The following CNST variants were observed in gnomAD, a reference collection of about 807,000 sequenced individuals.
CNST encodes consortin.
A neutral mutation model predicts 72.4 loss-of-function variants in CNST; 39 were observed. The ratio of observed to expected loss-of-function variants is 0.54; its 90% CI spans 0.42 to 0.70. The LOEUF is 0.70. CNST is among the 30% of genes least tolerant of loss of function. CNST has a pLI of 0.00. For missense variants in CNST, 871 were observed against 868.5 expected (o/e 1.00, Z -0.04); for synonymous variants, 332 against 320.1 (o/e 1.04, Z -0.40).
In CNST at chr1:246,584,665, A is replaced by G. The variant is rs187514536; in HGVS notation, c.-51-6847A>G. 1.5e-4 allele frequency among the ~76,000 whole-genome samples: 23 copies of G among 152,154 alleles called. No individual in the cohort carries two copies. The East Asian group carries it at 4.3e-3, about 28-fold the overall frequency. On this transcript the variant is annotated intron_variant, in intron 1 of 10. Coordinates refer to ENST00000366513, the MANE Select transcript of CNST (RefSeq NM_152609.3). ...GAATGGAGACGGAGTGTGTAGTGGAACTCATCTCAGTAGACCGTCCCGGCA... is the reference window on the plus strand; with the variant it reads ...GAATGGAGACGGAGTGTGTAGTGGAGCTCATCTCAGTAGACCGTCCCGGCA...
chr1:246,665,262 G>C (rs1269518187), intron 10 of CNST, among the ~76,000 whole-genome samples: 1 of 152,188 alleles, frequency 6.6e-6, no homozygotes, highest in Non-Finnish European at 1.5e-5. Context: ...AGTCCTAGCT[G>C]CTCAGGAGGC....
chr1:246,610,591 A>C (rs903780357), intron 2 of CNST, among the ~76,000 whole-genome samples: 5 of 152,132 alleles, frequency 3.3e-5, no homozygotes, highest in Admixed American at 6.5e-5. Flanking sequence ...AACTCTGGAA[A>C]TTAGGGTCTC....
At chr1:246,638,745 A>T (rs993814505) in intron 6 of CNST, among the ~76,000 whole-genome samples, 1 of 152,142 alleles carries the variant, frequency 6.6e-6, no homozygotes, top group African/African-American at 2.4e-5. Context: ...TAAATGAGGC[A>T]TCTGGAAGGG....
At chr1:246,568,899 A>G (rs1049960034) in intron 1 of CNST, among the ~76,000 whole-genome samples, 3 of 152,010 alleles carry the variant, frequency 2.0e-5, no homozygotes, top group African/African-American at 7.3e-5. Context: ...TTACATTTAA[A>G]TATATTTATT....
rs1553384186 is a variant in CNST at position 246,645,424 on chromosome 1, C to CTTTTTTTTTTTTTTTTTTTTTTTTTTT, written c.938-1694_938-1693insTTTTTTTTTTTTTTTTTTTTTTTTTTT. On this transcript the variant is annotated intron_variant, in intron 8 of 10. Transcript: ENST00000366513. ...ACATATTAGTATAAAAAGGTTAAAA[C>CTTTTTTTTTTTTTTTTTTTTTTTTTTT]TTTTTTTTTTTTTTTTTTTTTGAGA... Among the ~76,000 whole-genome samples, 2 of 106,106 alleles carry CTTTTTTTTTTTTTTTTTTTTTTTTTTT rather than the reference C, an allele frequency of 1.9e-5. 1 individual carries two copies. The allele number at this position is 106,106 out of a possible 152,430, so 69.6% of individuals were successfully genotyped here.
intron 9 of CNST, among the ~76,000 whole-genome samples, chr1:246,653,296 G>A (rs1666589465): frequency 6.6e-6 from 1 of 152,218 alleles, no homozygotes; most frequent in South Asian, 2.1e-4. Flanking sequence ...TGGGATCAGG[G>A]AAGTTACTTT....
chr1:246,647,843 T>C lies in CNST; in HGVS notation c.1642T>C (p.Leu548=), dbSNP rs1318360352. The C allele has an allele frequency of 4.3e-6, 7 of 1,614,054 alleles. No individual in the cohort carries two copies. Among genetic ancestry groups the C allele is most frequent in the South Asian group, 1.1e-5 (1 of 91,086 alleles). ...DQLNKETEDY[L]NSLLEGCLKD... ...ACTCAACAAAGAAACAGAAGACTAT[T>C]TGAACAGCCTTTTAGAAGGATGTTT... Residue 548 remains leucine (L), a synonymous_variant, in exon 9 of 11, where the codon TTG becomes CTG. Transcript: ENST00000366513.
intron 9 of CNST, among the ~76,000 whole-genome samples, chr1:246,656,200 T>C (rs1200069857): frequency 1.3e-5 from 2 of 151,616 alleles, no homozygotes; most frequent in Non-Finnish European, 2.9e-5. Flanking sequence ...GTATCTGTTT[T>C]CTTCTTTAAT....
chr1:246,636,825 A>G (rs955682771), intron 6 of CNST, among the ~76,000 whole-genome samples: 1 of 152,134 alleles, frequency 6.6e-6, no homozygotes, highest in African/African-American at 2.4e-5. Flanking sequence ...CTATATGACT[A>G]TGGTGAGTGA....
At chr1:246,623,395 G>T (rs757976828) in intron 3 of CNST, among the ~76,000 whole-genome samples, 2 of 152,070 alleles carry the variant, frequency 1.3e-5, no homozygotes, top group Non-Finnish European at 2.9e-5. Flanking sequence ...TAACAAAAAC[G>T]GATATGATGT....
At chr1:246,602,320 T>A (rs1270075382) in intron 2 of CNST, among the ~76,000 whole-genome samples, 1 of 152,234 alleles carries the variant, frequency 6.6e-6, no homozygotes, top group Non-Finnish European at 1.5e-5. Flanking sequence ...GGTCAGAATC[T>A]GTGTGTGGCT....
chr1:246,611,014 T>C (rs1192522557), intron 2 of CNST, among the ~76,000 whole-genome samples: 2 of 152,188 alleles, frequency 1.3e-5, no homozygotes, highest in East Asian at 3.8e-4. Flanking sequence ...GCTTTTCTGC[T>C]CTGAACGTGT....
intron 2 of CNST, among the ~76,000 whole-genome samples, chr1:246,618,039 C>G (rs1034791163): frequency 2.3e-4 from 35 of 152,164 alleles, no homozygotes; most frequent in African/African-American, 7.7e-4. Context: ...AGTCACCAGT[C>G]TAGGCAAGGG....
chr1:246,627,050 A>G (rs568853250), intron 3 of CNST, among the ~76,000 whole-genome samples: 1 of 152,258 alleles, frequency 6.6e-6, no homozygotes, highest in African/African-American at 2.4e-5. Flanking sequence ...CACTGCTACC[A>G]TTTCCGTACA....
At chr1:246,664,622 T>C (rs1436058506) in intron 10 of CNST, among the ~76,000 whole-genome samples, 3 of 151,868 alleles carry the variant, frequency 2.0e-5, no homozygotes, top group African/African-American at 7.3e-5. Flanking sequence ...GAGACGGGGT[T>C]TCACCGTGTC....
At chr1:246,593,632 G>A (rs906174022) in intron 2 of CNST, among the ~76,000 whole-genome samples, 5 of 152,130 alleles carry the variant, frequency 3.3e-5, no homozygotes, top group Non-Finnish European at 5.9e-5. Flanking sequence ...GTGAGCCACC[G>A]TGCCCAGCAA....
chr1:246,611,339 G>GT (rs200667352), intron 2 of CNST, among the ~76,000 whole-genome samples: 2,145 of 151,472 alleles, frequency 0.014, 53 homozygotes, highest in African/African-American at 0.047. Context: ...TCTGGATGTT[G>GT]TTTTTTTTTA....
At chr1:246,643,263 C>T (rs1665840021) in intron 8 of CNST, among the ~76,000 whole-genome samples, 1 of 152,130 alleles carries the variant, frequency 6.6e-6, no homozygotes, top group Non-Finnish European at 1.5e-5. Flanking sequence ...ACTTCTGAAA[C>T]AAGCTAGGGA....
chr1:246,566,501 C>G lies in CNST; in HGVS notation c.-214C>G. 2.3e-6 allele frequency: 1 copy of G among 436,768 alleles called. No individual in the cohort carries two copies. Among genetic ancestry groups the G allele is most frequent in the South Asian group, 6.7e-5 (1 of 15,002 alleles). The allele number at this position is 436,768 out of a possible 1,614,324, so 27.1% of individuals were successfully genotyped here. A position where few individuals can be genotyped will look rare whatever the true frequency, so the allele number is the denominator to read the frequency against. On this transcript the variant is annotated 5_prime_UTR_variant, in exon 1 of 11. Coordinates refer to ENST00000366513, the MANE Select transcript of CNST (RefSeq NM_152609.3). ...TCCAGCCGGCCAGCCGCGAGGGGTG[C>G]GCAGAGGGAGGCGGGGCGGAAAGGC...
Sources: gnomAD v4.1 joint callset for allele counts (sites outside exome capture counted in the v4.1 genomes callset) on GRCh38, gnomAD v4.1.1 for gene constraint, MANE v1.5 for transcripts, NCBI Gene and HGNC (gene_info 2026-07-23, HGNC 2026-07-21) for gene names.